VPS13B: variants seen among roughly 807,000 people sequenced by gnomAD.
VPS13B encodes the protein vacuolar protein sorting 13 homolog B, also known as intermembrane lipid transfer protein VPS13B.
In VPS13B, 285 loss-of-function variants were observed where a neutral mutation model predicts 426.4. That is an observed-to-expected ratio of 0.67 (90% confidence interval 0.61 to 0.74). The LOEUF is 0.74. Among genes scored for constraint, VPS13B ranks in the 30% least tolerant of loss-of-function variants. The probability of loss-of-function intolerance (pLI) is 0.00; values close to 1 mark genes in which losing one functional copy is unlikely to be tolerated. For missense variants in VPS13B, 4,537 were observed against 4,782.6 expected (o/e 0.95, Z 1.51); for synonymous variants, 1,676 against 1,676.4 (o/e 1.00, Z 0.01).
At chr8:99,189,779 C>T (rs1813451726) in intron 16 of VPS13B, among the ~76,000 whole-genome samples, 1 of 152,152 alleles carries the variant, frequency 6.6e-6, no homozygotes, top group Non-Finnish European at 1.5e-5. Context: ...GAGATTTATA[C>T]ATAACTTTAT....
chr8:99,662,061 GTTATTC>G (rs1371437784), intron 35 of VPS13B, among the ~76,000 whole-genome samples: 5 of 152,122 alleles, frequency 3.3e-5, no homozygotes, highest in African/African-American at 9.7e-5. Context: ...ATGTACTATA[GTTATTC>G]TTATTTTATG....
At chr8:99,335,915 A>G (rs1424598865) in intron 19 of VPS13B, among the ~76,000 whole-genome samples, 1 of 152,242 alleles carries the variant, frequency 6.6e-6, no homozygotes, top group African/African-American at 2.4e-5. Flanking sequence ...GGAAGAATCA[A>G]TATTGTGAAA....
At chr8:99,636,158 AT>A in intron 33 of VPS13B, among the ~76,000 whole-genome samples, 1 of 152,106 alleles carries the variant, frequency 6.6e-6, no homozygotes, top group East Asian at 1.9e-4. Context: ...AATTCCACTG[AT>A]TTAAGTACCA....
Position 99,700,967 on chromosome 8 carries a change from TAGTTGCTTATCAA to T in VPS13B, c.6454+1037_6454+1049del, listed in dbSNP as rs1177685366. On this transcript the variant is annotated intron_variant, in intron 36 of 61. Transcript: ENST00000357162. ...ATAAAGCAAATCCTTATATGCAACT[TAGTTGCTTATCAA>T]AAAGTAATTAAATTGCAGCTGTAGA... 2.6e-5 allele frequency among the ~76,000 whole-genome samples: 4 copies of T among 152,282 alleles called. No individual in the cohort carries two copies. In the East Asian group the frequency reaches 7.7e-4, roughly 29 times the overall value.
intron 6 of VPS13B, among the ~76,000 whole-genome samples, chr8:99,113,201 C>A (rs766341698): frequency 2.4e-4 from 37 of 151,904 alleles, no homozygotes; most frequent in Non-Finnish European, 4.0e-4. Flanking sequence ...TGGGGTCAAG[C>A]GATCCTTCTG....
At chr8:99,232,230 T>G (rs756346602) in intron 17 of VPS13B, among the ~76,000 whole-genome samples, 6 of 151,726 alleles carry the variant, frequency 4.0e-5, no homozygotes, top group East Asian at 1.9e-4. Flanking sequence ...GAGAGAGAGA[T>G]AGAGAATTAT....
At chr8:99,392,266 AAT>A (rs1440728117) in intron 21 of VPS13B, among the ~76,000 whole-genome samples, 1 of 152,120 alleles carries the variant, frequency 6.6e-6, no homozygotes, top group Admixed American at 6.6e-5. Flanking sequence ...CTTCTATGTA[AAT>A]ATAAAGTATA....
At position 99,642,472 on chromosome 8, in the gene VPS13B, G is replaced by A. The variant is rs1440579372; in HGVS notation, c.5882G>A (p.Gly1961Glu). The change falls in exon 34 of 62, where the codon GGG becomes GAG. Residue 1961 changes from glycine (G) to glutamate (E), a missense_variant. This residue lies in a region of VPS13B where 4,311 missense variants were observed against 4,474.3 expected (regional missense o/e 0.96). Coordinates refer to ENST00000357162, the MANE Select transcript of VPS13B (RefSeq NM_152564.5). ...TCCATTTTTGATGCTGTGCTTAAAG[G>A]GGTGGCCTCTGATTACAAATGTATA... Reference protein sequence around the residue: ...EVSIFDAVLKGVASDYKCIDP... With the variant: ...EVSIFDAVLKEVASDYKCIDP... 2.5e-6 allele frequency: 4 copies of A among 1,613,660 alleles called. No homozygotes were observed. The highest frequency in any genetic ancestry group is 3.3e-4 in the Middle Eastern group (2 of 6,060).
chr8:99,232,762 A>G (rs914488319), intron 17 of VPS13B, among the ~76,000 whole-genome samples: 8 of 152,150 alleles, frequency 5.3e-5, no homozygotes, highest in African/African-American at 1.9e-4. Context: ...GTGGGAGTTA[A>G]GGAGAGATCT....
intron 59 of VPS13B, among the ~76,000 whole-genome samples, chr8:99,868,865 C>T (rs560763019): frequency 8.5e-5 from 13 of 152,290 alleles, no homozygotes; most frequent in Admixed American, 8.5e-4. Context: ...TGTGGATGTG[C>T]ACATGGGTCT....
chr8:99,595,502 T>TA (rs2133847453), intron 33 of VPS13B, among the ~76,000 whole-genome samples: 1 of 152,012 alleles, frequency 6.6e-6, no homozygotes, highest in East Asian at 1.9e-4. Context: ...TATAAAGAGC[T>TA]AAAACTATAA....
chr8:99,334,738 T>C (rs541346819), intron 19 of VPS13B, among the ~76,000 whole-genome samples: 2 of 152,290 alleles, frequency 1.3e-5, no homozygotes, highest in Admixed American at 1.3e-4. Context: ...AGCTTTTTGA[T>C]GTGCTGCTGG....
chr8:99,594,990 G>C (rs986269176), intron 33 of VPS13B, among the ~76,000 whole-genome samples: 1 of 151,996 alleles, frequency 6.6e-6, no homozygotes, highest in Non-Finnish European at 1.5e-5. Context: ...CTTTGCAATA[G>C]ATGAAGCAAC....
rs368527180 is a variant in VPS13B, at chr8:99,762,369, G to A, written c.7051-4405G>A. Among the ~76,000 whole-genome samples the A allele has an allele frequency of 2.6e-5, 4 of 152,084 alleles. No homozygotes were observed. In the East Asian group the frequency reaches 5.8e-4, roughly 22 times the overall value. On this transcript the variant is annotated intron_variant, in intron 39 of 61. Transcript: ENST00000357162. Reference sequence around the variant, plus strand: ...TGTCTCTCTAGGGATTTATACTCCAGTTACCATATCTCTTCCACCGCTGGT... The same window carrying A: ...TGTCTCTCTAGGGATTTATACTCCAATTACCATATCTCTTCCACCGCTGGT...
In VPS13B at chr8:99,872,055, T is replaced by C. The variant is rs143452926; in HGVS notation, c.11745+358T>C. ...AAAATGGAGTTACAAAACGAGTGGG[T>C]TGGTTCAGGAAGGGCCAGGATTGGG... is the stretch of plus-strand genomic sequence containing the variant. On this transcript the variant is annotated intron_variant, in intron 61 of 61. Coordinates refer to ENST00000357162, the MANE Select transcript of VPS13B (RefSeq NM_152564.5). Among the ~76,000 whole-genome samples, 55 of 152,098 alleles carry C rather than the reference T, an allele frequency of 3.6e-4. No homozygotes were observed. The East Asian group carries it at 0.01, about 28-fold the overall frequency.
chr8:99,159,814 A>G (rs913805809), intron 15 of VPS13B, among the ~76,000 whole-genome samples: 3 of 152,084 alleles, frequency 2.0e-5, no homozygotes, highest in Non-Finnish European at 2.9e-5. Flanking sequence ...ACACATGCCC[A>G]TGCTCAGCTA....
chr8:99,464,280 T>C (rs117609979), intron 23 of VPS13B, among the ~76,000 whole-genome samples: 2 of 152,198 alleles, frequency 1.3e-5, no homozygotes, highest in African/African-American at 4.8e-5. Context: ...CAAAGAAAAC[T>C]GAGGAAAGTA....
At chr8:99,310,705 A>G (rs1232912396) in intron 19 of VPS13B, among the ~76,000 whole-genome samples, 1 of 152,212 alleles carries the variant, frequency 6.6e-6, no homozygotes, top group Admixed American at 6.5e-5. Context: ...GCCTCATAAA[A>G]TGAGTTAGGG....
chr8:99,711,184 G>C (rs1832696127), intron 36 of VPS13B, among the ~76,000 whole-genome samples: 1 of 152,124 alleles, frequency 6.6e-6, no homozygotes, highest in South Asian at 2.1e-4. Flanking sequence ...CCCTCATTGA[G>C]GAATGGAGTC....
Sources: gnomAD v4.1 joint callset for allele counts (sites outside exome capture counted in the v4.1 genomes callset) on GRCh38, gnomAD v4.1.1 for gene constraint, gnomAD v4.1.1 regional missense constraint, MANE v1.5 for transcripts, NCBI Gene and HGNC (gene_info 2026-07-23, HGNC 2026-07-21) for gene names.